Variants in SCARB1 observed in about 807,000 individuals in gnomAD.
SCARB1 encodes scavenger receptor class B member 1.
In SCARB1, 30 loss-of-function variants were observed where a neutral mutation model predicts 57.2. The observed-to-expected ratio is 0.52, with a 90% CI of 0.39 to 0.71. SCARB1 has a LOEUF of 0.71. Ranked by LOEUF, SCARB1 falls within the 30% of genes least tolerant of loss-of-function variation. The pLI, the probability that SCARB1 is intolerant of heterozygous loss-of-function variation, is 0.00. For missense variants in SCARB1, 543 were observed against 671.2 expected (o/e 0.81, Z 2.11); for synonymous variants, 249 against 268.3 (o/e 0.93, Z 0.70).
chr12:124,802,838 C>G (rs1305906949), intron 7 of SCARB1, among the ~76,000 whole-genome samples: 1 of 152,164 alleles, frequency 6.6e-6, no homozygotes, highest in Non-Finnish European at 1.5e-5. Context: ...CTGAGTCCAA[C>G]AGATTTCAAG....
chr12:124,863,018 C>CG (rs1474344770), intron 1 of SCARB1, among the ~76,000 whole-genome samples: 3 of 152,198 alleles, frequency 2.0e-5, no homozygotes, highest in African/African-American at 7.2e-5. Context: ...AGAACAGAGT[C>CG]GCGCATTCTG....
chr12:124,863,715 G>A lies in SCARB1; in HGVS notation c.6C>T (p.Gly2=). The A allele has an allele frequency of 1.3e-6, 2 of 1,502,386 alleles. No homozygotes were observed. Among genetic ancestry groups the A allele is most frequent in the Non-Finnish European group, 8.9e-7 (1 of 1,124,162 alleles). 93.1% of individuals were successfully genotyped at this position (1,502,386 alleles called of 1,614,324 possible). The change falls in exon 1 of 13, where the codon GGC becomes GGT. Residue 2 remains glycine, a synonymous_variant. Transcript: ENST00000261693. ...CAGCCCAGCGCGCTTTGGCGGAGCA[G>A]CCCATGTCTGCGCGCCTGGGGCCCA... The part of the protein sequence containing the change: M[G]CSAKARWAAG...
chr12:124,812,033 T>G lies in SCARB1; in HGVS notation c.631-68A>C. The G allele has an allele frequency of 8.0e-7, 1 of 1,251,192 alleles. No individual in the cohort carries two copies. Among genetic ancestry groups the G allele is most frequent in the Non-Finnish European group, 1.1e-6 (1 of 871,336 alleles). The allele number at this position is 1,251,192 out of a possible 1,614,324, so 77.5% of individuals were successfully genotyped here. On this transcript the variant is annotated intron_variant, in intron 4 of 12. Transcript: ENST00000261693. This position sits in a 1 kb window ranked among gnomAD's most constrained non-coding sequence, Gnocchi z 4.3. ...CCATTGAGCCGGCCTGGTCTGAACA[T>G]TCTGGGCTGAGCCCTCCTCCCCCTC...
At chr12:124,827,025 C>T (rs1189222119) in intron 1 of SCARB1, among the ~76,000 whole-genome samples, 3 of 152,148 alleles carry the variant, frequency 2.0e-5, no homozygotes, top group African/African-American at 4.8e-5. Flanking sequence ...AAATAACATA[C>T]GAGCCACCGT....
chr12:124,853,309 G>A (rs985734734), intron 1 of SCARB1, among the ~76,000 whole-genome samples: 7 of 151,794 alleles, frequency 4.6e-5, no homozygotes, highest in East Asian at 1.9e-4. Context: ...CAGGGCCCAC[G>A]AAAATGAGGC....
intron 2 of SCARB1, among the ~76,000 whole-genome samples, chr12:124,816,471 G>A (rs976606440): frequency 6.6e-6 from 1 of 152,212 alleles, no homozygotes; most frequent in Non-Finnish European, 1.5e-5. Flanking sequence ...ACGAGCGAAT[G>A]AGTGAATGAG....
intron 2 of SCARB1, among the ~76,000 whole-genome samples, chr12:124,816,570 G>A (rs1194756316): frequency 6.6e-6 from 1 of 152,172 alleles, no homozygotes. Context: ...CCCAGAACCA[G>A]ACTGTGGGTC....
chr12:124,860,620 C>T (rs892265942), intron 1 of SCARB1, among the ~76,000 whole-genome samples: 1 of 152,232 alleles, frequency 6.6e-6, no homozygotes, highest in African/African-American at 2.4e-5. Context: ...GGCAATTTGG[C>T]CGTAATCATC....
At chr12:124,786,266 C>T (rs779527795) in intron 11 of SCARB1, 91 bp downstream of exon 11, 19 of 1,600,702 alleles carry the variant, frequency 1.2e-5, no homozygotes, top group Admixed American at 1.7e-5. Flanking sequence ...CTCCAGGCTG[C>T]GGTTGGCCAG....
At chr12:124,818,570 AT>A (rs1950827858) in intron 1 of SCARB1, among the ~76,000 whole-genome samples, 1 of 152,118 alleles carries the variant, frequency 6.6e-6, no homozygotes, top group Admixed American at 6.5e-5. Flanking sequence ...TGTTCAAGCG[AT>A]TCTCCTGCCT....
rs1243915171 is a variant in SCARB1 at position 124,795,230 on chromosome 12, C to A, written c.1167G>T (p.Gln389His). ...CGACAGATTTCATGTAGAGGCTCAGCTGCAGTTTCACAGAGCAGTTCATGG... is the reference window on the plus strand; with the variant it reads ...CGACAGATTTCATGTAGAGGCTCAGATGCAGTTTCACAGAGCAGTTCATGG... ...GIPMNCSVKL[Q>H]LSLYMKSVAG... The change falls in exon 9 of 13, where the codon CAG becomes CAT. Residue 389 changes from glutamine (Q) to histidine (H), a missense_variant. By Grantham distance (24) the Gln-to-His change is conservative. Coordinates refer to ENST00000261693, the MANE Select transcript of SCARB1 (RefSeq NM_005505.5). 6.2e-7 allele frequency: 1 copy of A among 1,614,036 alleles called. No individual in the cohort carries two copies. Among genetic ancestry groups the A allele is most frequent in the Non-Finnish European group, 8.5e-7 (1 of 1,179,914 alleles).
chr12:124,839,518 G>C (rs1348072683), intron 1 of SCARB1: 2 of 583,012 alleles, frequency 3.4e-6, no homozygotes, highest in African/African-American at 2.0e-5. Flanking sequence ...GAACGCGGTG[G>C]CCAGATTCCT....
intron 7 of SCARB1, among the ~76,000 whole-genome samples, chr12:124,804,692 AG>A (rs1164648015): frequency 3.3e-5 from 5 of 152,350 alleles, no homozygotes; most frequent in Middle Eastern, 3.4e-3. Flanking sequence ...ATTCATTCAC[AG>A]GTTGTTCCAT....
intron 8 of SCARB1, among the ~76,000 whole-genome samples, chr12:124,795,689 C>G (rs747643137): frequency 4.1e-4 from 62 of 152,260 alleles, no homozygotes; most frequent in Non-Finnish European, 2.2e-4. Context: ...GACAAAAGTC[C>G]CTTCTCAATT....
chr12:124,792,423 G>A (rs1031605), intron 9 of SCARB1, among the ~76,000 whole-genome samples: 18,628 of 151,982 alleles, frequency 0.12, 1,553 homozygotes, highest in Non-Finnish European at 0.18. Context: ...AGCTGCCCGC[G>A]TGAACTGTTT....
At chr12:124,859,012 C>A (rs1324527078) in intron 1 of SCARB1, among the ~76,000 whole-genome samples, 1 of 152,008 alleles carries the variant, frequency 6.6e-6, no homozygotes, top group Non-Finnish European at 1.5e-5. Flanking sequence ...GTAGCTAGGA[C>A]TATAGGTGCA....
At chr12:124,797,276 A>G (rs531191173) in intron 8 of SCARB1, among the ~76,000 whole-genome samples, 2 of 152,300 alleles carry the variant, frequency 1.3e-5, no homozygotes, top group East Asian at 1.9e-4. Flanking sequence ...TGTCATTACA[A>G]TAAGTCTTAG....
chr12:124,849,658 TC>T (rs1444842193), intron 1 of SCARB1, among the ~76,000 whole-genome samples: 1 of 152,200 alleles, frequency 6.6e-6, no homozygotes, highest in Non-Finnish European at 1.5e-5. Flanking sequence ...TGAGTAAACC[TC>T]TGCTACCTAC....
In SCARB1 at chr12:124,838,004, C is replaced by T. The variant is rs1450675413; in HGVS notation, c.127-20297G>A. 3.9e-5 allele frequency among the ~76,000 whole-genome samples: 6 copies of T among 152,378 alleles called. No homozygotes were observed. The East Asian group carries it at 1.2e-3, about 29-fold the overall frequency. On this transcript the variant is annotated intron_variant, in intron 1 of 12. Transcript: ENST00000261693. ...ATTCACATTTTGGTGTTCATAAATGCAGTGGCACTGGCCCACAGCGGCCAC... is the reference window on the plus strand; with the variant it reads ...ATTCACATTTTGGTGTTCATAAATGTAGTGGCACTGGCCCACAGCGGCCAC...
Sources: allele counts gnomAD v4.1 joint callset (sites outside exome capture counted in the v4.1 genomes callset), GRCh38; gene constraint gnomAD v4.1.1; non-coding constraint Gnocchi (gnomAD v3.1); transcripts MANE v1.5; gene names NCBI Gene and HGNC (gene_info 2026-07-23, HGNC 2026-07-21).